Variants in GNE observed in about 807,000 individuals in gnomAD.
GNE encodes the protein bifunctional UDP-N-acetylglucosamine 2-epimerase/N-acetylmannosamine kinase.
Under a neutral mutation model 61.8 loss-of-function variants are expected in GNE, and 41 were observed. That is an observed-to-expected ratio of 0.66 (90% CI 0.52 to 0.86). GNE has a LOEUF of 0.86. Ranked by LOEUF, GNE falls within the 40% of genes least tolerant of loss-of-function variation. GNE has a pLI of 0.00. For missense variants in GNE, 608 were observed against 909.1 expected, an observed-to-expected ratio of 0.67 and a Z score of 4.26; for synonymous variants, 264 against 326.4, an observed-to-expected ratio of 0.81 and a Z score of 2.06.
At chr9:36,257,389 C>T (rs961060109) in intron 1 of GNE, among the ~76,000 whole-genome samples, 1 of 152,184 alleles carries the variant, frequency 6.6e-6, no homozygotes, top group African/African-American at 2.4e-5. Context: ...GGTTTGGCTT[C>T]AACTGCGGCG....
intron 9 of GNE, among the ~76,000 whole-genome samples, chr9:36,222,346 G>A (rs945136146): frequency 5.3e-4 from 79 of 150,228 alleles, no homozygotes; most frequent in Middle Eastern, 3.4e-3. Context: ...GTGAACCCAG[G>A]AGGCGGAGCT....
upstream of GNE, among the ~76,000 whole-genome samples, chr9:36,261,168 A>G (rs909079529): frequency 3.3e-5 from 5 of 152,082 alleles, no homozygotes; most frequent in Non-Finnish European, 2.9e-5. Context: ...GGTCCACTCA[A>G]TAGTCCAAGA....
chr9:36,238,061 TATATATAGATAC>T (rs1829470397), intron 3 of GNE, among the ~76,000 whole-genome samples: 1 of 149,368 alleles, frequency 6.7e-6, no homozygotes, highest in Admixed American at 6.7e-5. Context: ...TAGATGTAGA[TATATATAGATAC>T]ACACACACAC....
rs774260686 is a variant in GNE, at chr9:36,227,252, A to G, written c.1277T>C (p.Met426Thr). ...GTNLRVAIVSMKGEIVKKYTQ... is the reference protein window; with the variant it reads ...GTNLRVAIVSTKGEIVKKYTQ... ...GGAGTTTAGGAGTTATTTTACCTTC[A>G]TGCTGACTATTGCAACTCGGAGGTT... Residue 426 changes from methionine (M) to threonine (T), a missense_variant, in exon 7 of 12, where the codon ATG becomes ACG. Coordinates refer to ENST00000642385, the MANE Select transcript of GNE (RefSeq NM_005476.7). 1.9e-6 allele frequency: 3 copies of G among 1,606,344 alleles called. No homozygotes were observed. The highest frequency in any genetic ancestry group is 2.6e-6 in the Non-Finnish European group (3 of 1,172,942).
At chr9:36,240,821 A>G (rs1391138447) in intron 3 of GNE, among the ~76,000 whole-genome samples, 1 of 151,968 alleles carries the variant, frequency 6.6e-6, no homozygotes, top group African/African-American at 2.4e-5. Context: ...TACCATTTCC[A>G]TCTTGCTGCT....
At chr9:36,248,972 A>G (rs562016639) in intron 2 of GNE, among the ~76,000 whole-genome samples, 1 of 152,344 alleles carries the variant, frequency 6.6e-6, no homozygotes, top group Admixed American at 6.5e-5. Context: ...TGGATGCTCT[A>G]TATCATGATC....
intron 7 of GNE, among the ~76,000 whole-genome samples, chr9:36,224,272 T>A (rs1275554918): frequency 6.6e-6 from 1 of 151,200 alleles, no homozygotes; most frequent in Non-Finnish European, 1.5e-5. Context: ...TGAGACCTCC[T>A]CTCTACAAAA....
chr9:36,250,620 C>T (rs1234565954), intron 1 of GNE, among the ~76,000 whole-genome samples: 1 of 152,174 alleles, frequency 6.6e-6, no homozygotes, highest in Non-Finnish European at 1.5e-5. Context: ...AGTCCAGTCC[C>T]TCATTTTAGG....
chr9:36,223,286 T>G, intron 8 of GNE, 87 bp downstream of exon 8: 1 of 1,262,680 alleles, frequency 7.9e-7, no homozygotes, highest in Non-Finnish European at 1.2e-6. Flanking sequence ...GGGCAGACAC[T>G]GACTTGATGC....
intron 1 of GNE, among the ~76,000 whole-genome samples, chr9:36,250,235 C>G (rs991849435): frequency 1.3e-5 from 2 of 152,144 alleles, no homozygotes. Flanking sequence ...ACACTATACA[C>G]TTCCTAAATA....
upstream of GNE, chr9:36,258,469 C>G: frequency 1.0e-6 from 1 of 985,574 alleles, no homozygotes; most frequent in Non-Finnish European, 1.2e-6. Flanking sequence ...TCGACCTTGT[C>G]CCCACTCCTC....
rs746022526 is a variant in GNE, at chr9:36,214,970, A to T, written c.*2395T>A. 6.6e-6 allele frequency: 1 copy of T among 152,206 alleles called. No individual in the cohort carries two copies. Among genetic ancestry groups the T allele is most frequent in the Non-Finnish European group, 1.5e-5 (1 of 68,038 alleles). 9.4% of individuals were successfully genotyped at this position (152,206 alleles called of 1,614,324 possible). On this transcript the variant is annotated 3_prime_UTR_variant, in exon 12 of 12. Transcript: ENST00000642385. Reference sequence around the variant, plus strand: ...GTTGTAGAAACCTTCATTTTCCCAAAATAGAAATCTGAAAGATATATGCAC... The same window carrying T: ...GTTGTAGAAACCTTCATTTTCCCAATATAGAAATCTGAAAGATATATGCAC...
At chr9:36,248,145 A>C (rs923394000) in intron 2 of GNE, among the ~76,000 whole-genome samples, 3 of 152,144 alleles carry the variant, frequency 2.0e-5, no homozygotes, top group Admixed American at 1.3e-4. Flanking sequence ...AATAGTCTGA[A>C]AAGGACAATT....
chr9:36,216,129 T>G lies in GNE; in HGVS notation c.*1236A>C. The stretch of plus-strand genomic sequence containing the variant: ...AGGGGGGATATCTGAGATGGGGGAG[T>G]GATAGATATGTCCAGTGTCTTGATT... On this transcript the variant is annotated 3_prime_UTR_variant, in exon 12 of 12. Coordinates refer to ENST00000642385, the MANE Select transcript of GNE (RefSeq NM_005476.7). The G allele has an allele frequency of 5.9e-6, 2 of 339,370 alleles. No homozygotes were observed. Among genetic ancestry groups the G allele is most frequent in the Non-Finnish European group, 1.2e-5 (2 of 163,532 alleles). 21.0% of individuals were successfully genotyped at this position (339,370 alleles called of 1,614,324 possible).
intron 1 of GNE, chr9:36,265,637 G>A (rs747315067): frequency 3.2e-6 from 1 of 309,168 alleles, no homozygotes; most frequent in Admixed American, 3.4e-5. Context: ...AGTCTCTAGG[G>A]CAGCGGTCCC....
rs775446242 is a variant in GNE at position 36,234,037 on chromosome 9, G to A, written c.865C>T (p.Gln289Ter). 1 of 1,614,016 alleles carries A rather than the reference G, an allele frequency of 6.2e-7. No individual in the cohort carries two copies. Among genetic ancestry groups the A allele is most frequent in the Non-Finnish European group, 8.5e-7 (1 of 1,179,880 alleles). ...VKHVPFDQFI[Q>*]LVAHAGCMIG... Reference sequence around the variant, plus strand: ...ATACAGCCAGCATGGGCAACCAACTGTATAAACTGGTCAAATGGGACGTGT... The same window carrying A: ...ATACAGCCAGCATGGGCAACCAACTATATAAACTGGTCAAATGGGACGTGT... Residue 289 changes from glutamine (Q) to a stop codon, truncating the protein, a stop_gained, in exon 5 of 12, where the codon CAG becomes TAG. Transcript: ENST00000642385. LOFTEE classifies it high-confidence loss of function.
intron 3 of GNE, among the ~76,000 whole-genome samples, chr9:36,244,854 C>T (rs949001198): frequency 6.6e-6 from 1 of 150,954 alleles, no homozygotes; most frequent in East Asian, 1.9e-4. Flanking sequence ...GCAGGAGAAT[C>T]GCTTGAACCC....
chr9:36,224,004 G>A (rs1216393747), intron 7 of GNE, among the ~76,000 whole-genome samples: 3 of 151,928 alleles, frequency 2.0e-5, no homozygotes, highest in East Asian at 3.9e-4. Flanking sequence ...CGCCTGCCTC[G>A]GCCTCCCAAA....
intron 5 of GNE, among the ~76,000 whole-genome samples, chr9:36,231,586 C>A (rs1294181111): frequency 6.6e-6 from 1 of 152,158 alleles, no homozygotes; most frequent in Admixed American, 6.5e-5. Context: ...AAGTGAAAGG[C>A]ATCTTCTCTT....
Sources: gnomAD v4.1 joint callset for allele counts (sites outside exome capture counted in the v4.1 genomes callset) on GRCh38, gnomAD v4.1.1 for gene constraint, MANE v1.5 for transcripts, NCBI Gene and HGNC (gene_info 2026-07-23, HGNC 2026-07-21) for gene names.